Variants in GALNT1 observed in about 807,000 individuals in gnomAD.
GALNT1 encodes the protein GalNAc transferase 1.
Under a neutral mutation model 65.7 loss-of-function variants are expected in GALNT1, and 17 were observed. That is an observed-to-expected ratio of 0.26 (90% CI 0.18 to 0.39). GALNT1 has a LOEUF of 0.39. GALNT1 is among the 10% of genes least tolerant of loss of function. GALNT1 has a pLI of 1.00. For synonymous variants in GALNT1, 210 were observed against 219.7 expected (o/e 0.96, Z 0.39); for missense variants, 460 against 672.8 (o/e 0.68, Z 3.50).
chr18:35,689,684 A>C (rs955526282), intron 7 of GALNT1, among the ~76,000 whole-genome samples: 12 of 152,144 alleles, frequency 7.9e-5, no homozygotes, highest in African/African-American at 2.9e-4. Context: ...TTAGTGTGAA[A>C]ATTTTTTTTA....
intron 1 of GALNT1, among the ~76,000 whole-genome samples, chr18:35,608,580 C>T (rs2046679181): frequency 6.6e-6 from 1 of 152,148 alleles, no homozygotes; most frequent in South Asian, 2.1e-4. Flanking sequence ...CACTTTGTTT[C>T]TTCATTTAAT....
At chr18:35,614,762 G>T (rs2046762064) in intron 1 of GALNT1, among the ~76,000 whole-genome samples, 3 of 152,104 alleles carry the variant, frequency 2.0e-5, no homozygotes, top group Admixed American at 2.0e-4. Flanking sequence ...TGCAAGGAAT[G>T]CCAATTAATC....
intron 3 of GALNT1, among the ~76,000 whole-genome samples, chr18:35,666,538 A>AT (rs1177507862): frequency 1.3e-5 from 2 of 152,192 alleles, no homozygotes; most frequent in Admixed American, 6.5e-5. Context: ...TTCTGGTAGA[A>AT]TTGTTTTTGT....
chr18:35,656,701 G>T (rs563387269), intron 2 of GALNT1, among the ~76,000 whole-genome samples: 1 of 152,334 alleles, frequency 6.6e-6, no homozygotes, highest in Admixed American at 6.5e-5. Context: ...GCGGCATGGC[G>T]CTGAAGCACT....
intron 1 of GALNT1, among the ~76,000 whole-genome samples, chr18:35,621,145 A>C (rs1416062851): frequency 6.8e-6 from 1 of 148,024 alleles, no homozygotes; most frequent in Non-Finnish European, 1.5e-5. Context: ...ATCTTTGGCC[A>C]TTTTTCAATT....
chr18:35,702,443 G>T (rs1460478904), intron 9 of GALNT1, among the ~76,000 whole-genome samples: 3 of 152,158 alleles, frequency 2.0e-5, no homozygotes, highest in Non-Finnish European at 2.9e-5. Context: ...TGAAAGAGTA[G>T]AGTTTGTACC....
intron 1 of GALNT1, among the ~76,000 whole-genome samples, chr18:35,648,018 CA>C (rs1158674936): frequency 7.6e-6 from 1 of 131,106 alleles, no homozygotes; most frequent in Non-Finnish European, 1.6e-5. Flanking sequence ...CTGTCAAAAA[CA>C]AAAAGAGAAG....
chr18:35,709,718 G>A lies in GALNT1; in HGVS notation c.1628G>A (p.Ser543Asn). Residue 543 changes from serine (S) to asparagine (N), a missense_variant, in exon 12 of 12, where the codon AGT (serine) becomes AAT (asparagine). Physicochemically the swap from Ser to Asn is conservative, Grantham distance 46. Transcript: ENST00000269195. Reference sequence around the variant, plus strand: ...CCCAGCATTAGAGACTGCAATGGAAGTCGGTCCCAGCAGTGGCTTCTTCGA... The same window carrying A: ...CCCAGCATTAGAGACTGCAATGGAAATCGGTCCCAGCAGTGGCTTCTTCGA... ...QVPSIRDCNG[S>N]RSQQWLLRNV... 2 of 1,614,066 alleles carry A rather than the reference G, an allele frequency of 1.2e-6. No homozygotes were observed. The highest frequency in any genetic ancestry group is 1.1e-5 in the South Asian group (1 of 91,062).
intron 9 of GALNT1, among the ~76,000 whole-genome samples, chr18:35,701,881 C>T (rs2048169989): frequency 6.6e-6 from 1 of 152,168 alleles, no homozygotes; most frequent in Non-Finnish European, 1.5e-5. Context: ...GATAAAGTGA[C>T]AGTGCAGATT....
In GALNT1 at chr18:35,703,247, A is replaced by G. The variant is rs538782740; in HGVS notation, c.1398+252A>G. Among the ~76,000 whole-genome samples, 19 of 152,198 alleles carry G rather than the reference A, an allele frequency of 1.2e-4. No individual in the cohort carries two copies. In the East Asian group the frequency reaches 2.5e-3, roughly 20 times the overall value. ...TATTTTGCCCTTTTTATTCAAACAG[A>G]TGACAACCCTTGACAATACATTCAG... is the stretch of plus-strand genomic sequence containing the variant. On this transcript the variant is annotated intron_variant, in intron 10 of 11. Coordinates refer to ENST00000269195, the MANE Select transcript of GALNT1 (RefSeq NM_020474.4).
rs1267245541 is a variant in GALNT1 at position 35,703,653 on chromosome 18, G to C, written c.1533+10G>C. 1 of 1,613,250 alleles carries C rather than the reference G, an allele frequency of 6.2e-7. No homozygotes were observed. The highest frequency in any genetic ancestry group is 2.2e-5 in the East Asian group (1 of 44,844). On this transcript the variant is annotated intron_variant, in intron 11 of 11. Coordinates refer to ENST00000269195, the MANE Select transcript of GALNT1 (RefSeq NM_020474.4). ...GGAGTATGACCCAGTGGTAAGTTAT[G>C]CAGTTGCCTATAGTAATAAAATTAT...
intron 4 of GALNT1, among the ~76,000 whole-genome samples, chr18:35,680,206 C>T (rs1425346683): frequency 6.6e-6 from 1 of 152,072 alleles, no homozygotes; most frequent in African/African-American, 2.4e-5. Context: ...GATTTTGTTC[C>T]CTCTCCCTGG....
rs148054782 is a variant in GALNT1 at position 35,626,977 on chromosome 18, C to T, written c.-103-27583C>T. ...CTATTAGCTAGAGGAATAGAATGACCGTGGTTGGCTTGGACCAGTCAGGAA... is the reference window on the plus strand; with the variant it reads ...CTATTAGCTAGAGGAATAGAATGACTGTGGTTGGCTTGGACCAGTCAGGAA... On this transcript the variant is annotated intron_variant, in intron 1 of 11. Coordinates refer to ENST00000269195, the MANE Select transcript of GALNT1 (RefSeq NM_020474.4). Among the ~76,000 whole-genome samples the T allele has an allele frequency of 4.6e-5, 7 of 152,296 alleles. No homozygotes were observed. The East Asian group carries it at 7.7e-4, about 17-fold the overall frequency.
chr18:35,618,970 A>G lies in GALNT1; in HGVS notation c.-103-35590A>G, dbSNP rs550700032. Among the ~76,000 whole-genome samples, 7 of 152,344 alleles carry G rather than the reference A, an allele frequency of 4.6e-5. No individual in the cohort carries two copies. In the South Asian group the frequency reaches 1.4e-3, roughly 32 times the overall value. ...AATGCAAAACAATCACTAACGCTAT[A>G]AACTAAGAGACGTTAAATGACATTA... On this transcript the variant is annotated intron_variant, in intron 1 of 11. Coordinates refer to ENST00000269195, the MANE Select transcript of GALNT1 (RefSeq NM_020474.4).
rs140522164 is a variant in GALNT1 at position 35,704,805 on chromosome 18, G to A, written c.1533+1162G>A. On this transcript the variant is annotated intron_variant, in intron 11 of 11. Transcript: ENST00000269195. ...ATTACAGGTGCCCGCCACCATGCCC[G>A]GCTAATTTTTGTACTTTTAGTAGAG... Among the ~76,000 whole-genome samples the A allele has an allele frequency of 6.5e-3, 978 of 151,410 alleles. 14 individuals carry two copies. Among genetic ancestry groups the A allele is most frequent in the East Asian group, 0.046 (237 of 5,114 alleles).
intron 11 of GALNT1, among the ~76,000 whole-genome samples, chr18:35,706,106 G>T (rs1424111347): frequency 1.3e-5 from 2 of 152,218 alleles, no homozygotes; most frequent in African/African-American, 4.8e-5. Context: ...ATGGCCAAGA[G>T]ATAGAGGGAT....
At chr18:35,597,515 T>C (rs1438779397) in intron 1 of GALNT1, 1 of 152,284 alleles carries the variant, frequency 6.6e-6, no homozygotes, top group East Asian at 1.9e-4. Flanking sequence ...TTAGTGCTTT[T>C]CTCAGTAGAA....
intron 1 of GALNT1, among the ~76,000 whole-genome samples, chr18:35,613,296 A>G (rs1026381406): frequency 6.6e-6 from 1 of 152,166 alleles, no homozygotes; most frequent in African/African-American, 2.4e-5. Context: ...TTGGGGAAAA[A>G]TACTCAGCAG....
At chr18:35,687,667 C>T (rs2144636098) in intron 6 of GALNT1, among the ~76,000 whole-genome samples, 1 of 151,994 alleles carries the variant, frequency 6.6e-6, no homozygotes, top group Middle Eastern at 3.4e-3. Flanking sequence ...AGAATTGACA[C>T]AAAATATAAA....
Sources: allele counts gnomAD v4.1 joint callset (sites outside exome capture counted in the v4.1 genomes callset), GRCh38; gene constraint gnomAD v4.1.1; transcripts MANE v1.5; gene names NCBI Gene and HGNC (gene_info 2026-07-23, HGNC 2026-07-21).